HSD17B8: variants seen among roughly 807,000 people sequenced by gnomAD.
HSD17B8 encodes (3R)-3-hydroxyacyl-CoA dehydrogenase.
HSD17B8 carries 23 observed loss-of-function variants against 33.2 expected under a neutral mutation model. The ratio of observed to expected loss-of-function variants is 0.69; its 90% CI spans 0.50 to 0.98. The LOEUF is 0.98. Ranked by LOEUF, HSD17B8 falls within the 50% of genes least tolerant of loss-of-function variation. HSD17B8 has a pLI of 0.00. For missense variants in HSD17B8, 345 were observed against 347.5 expected, an observed-to-expected ratio of 0.99 and a Z score of 0.06; for synonymous variants, 137 against 138.6, an observed-to-expected ratio of 0.99 and a Z score of 0.08.
chr6:33,205,017 C>T lies in HSD17B8; in HGVS notation c.168C>T (p.Gly56=). The change falls in exon 2 of 9, where the codon GGC becomes GGT. Residue 56 remains glycine (G), a synonymous_variant. Coordinates refer to ENST00000374662, the MANE Select transcript of HSD17B8 (RefSeq NM_014234.5). The surrounding 1 kb of genome is among the most constrained non-coding windows in gnomAD (Gnocchi z 5.0). ...CACAGGAGACGGTGCGGCTGCTGGG[C>T]GGGCCAGGGAGCAAGGAGGGGCCGC... ...AAAQETVRLL[G]GPGSKEGPPR... 1 of 1,515,262 alleles carries T rather than the reference C, an allele frequency of 6.6e-7. No homozygotes were observed. The allele number at this position is 1,515,262 out of a possible 1,614,324, so 93.9% of individuals were successfully genotyped here. A position where few individuals can be genotyped will look rare whatever the true frequency, so the allele number is the denominator to read the frequency against.
Position 33,206,649 on chromosome 6 carries a change from A to C in HSD17B8, c.781A>C (p.Met261Leu), listed in dbSNP as rs1190839678. The change falls in exon 9 of 9, where the codon ATG becomes CTG. Residue 261 changes from methionine (M) to leucine (L), a missense_variant. Met to Leu is a conservative substitution (Grantham distance 15, BLOSUM62 2). Transcript: ENST00000374662. This position sits in a 1 kb window ranked among gnomAD's most constrained non-coding sequence, Gnocchi z 6.2. ...TCTGCCCCTCCCAGGAGGTCTTTTC[A>C]TGTAACTGCCTCAAGGACCCTGGAC... ...TSVEVTGGLF[M>L] The C allele has an allele frequency of 6.2e-7, 1 of 1,613,844 alleles. No individual in the cohort carries two copies. Among genetic ancestry groups the C allele is most frequent in the Non-Finnish European group, 8.5e-7 (1 of 1,179,904 alleles).
rs760218875 is a variant in HSD17B8 at position 33,206,688 on chromosome 6, C to G, written c.*34C>G. On this transcript the variant is annotated 3_prime_UTR_variant, in exon 9 of 9. Coordinates refer to ENST00000374662, the MANE Select transcript of HSD17B8 (RefSeq NM_014234.5). This position sits in a 1 kb window ranked among gnomAD's most constrained non-coding sequence, Gnocchi z 6.2. ...AGGACCCTGGACTCTGCTCACCCCC[C>G]CACCACTCTGCCTGGCCTCCTGCTG... The G allele has an allele frequency of 3.1e-6, 5 of 1,610,340 alleles. No homozygotes were observed. The highest frequency in any genetic ancestry group is 3.3e-5 in the Admixed American group (2 of 59,984).
chr6:33,205,905 T>C lies in HSD17B8; in HGVS notation c.644T>C (p.Val215Ala). 2.5e-6 allele frequency: 4 copies of C among 1,611,808 alleles called. No homozygotes were observed. Among genetic ancestry groups the C allele is most frequent in the Non-Finnish European group, 3.4e-6 (4 of 1,179,348 alleles). ...ACACAGAAAGTGCCACAGAAAGTGGTGGACAAGGTAGGAGGCTGTGGGTGG... is the reference window on the plus strand; with the variant it reads ...ACACAGAAAGTGCCACAGAAAGTGGCGGACAAGGTAGGAGGCTGTGGGTGG... Reference protein sequence around the residue: ...PMTQKVPQKVVDKITEMIPMG... With the variant: ...PMTQKVPQKVADKITEMIPMG... The change falls in exon 6 of 9, where the codon GTG becomes GCG. Residue 215 changes from valine to alanine, a missense_variant. Physicochemically the swap from Val to Ala is moderately conservative, Grantham distance 64 (BLOSUM62 0). Transcript: ENST00000374662. The surrounding 1 kb of genome is among the most constrained non-coding windows in gnomAD (Gnocchi z 5.0).
Position 33,204,858 on chromosome 6 carries a change from C to T in HSD17B8, c.53-44C>T, listed in dbSNP as rs564671066. On this transcript the variant is annotated intron_variant, in intron 1 of 8. Transcript: ENST00000374662. ...TGCCCTGTGACCTCTGATCCCTGCC[C>T]TCTCCTCCCCGTGCCCGGTCCGGCG... 21 of 1,496,124 alleles carry T rather than the reference C, an allele frequency of 1.4e-5. No individual in the cohort carries two copies. In the East Asian group the frequency reaches 5.2e-4, roughly 37 times the overall value. The allele number at this position is 1,496,124 out of a possible 1,614,324, so 92.7% of individuals were successfully genotyped here.
chr6:33,206,536 G>A lies in HSD17B8; in HGVS notation c.769+87G>A. ...CAAGTAAGGGGAGTCTGGAGCCACT[G>A]GGAAGGGCAGAGGTTCCCAAGGCCA... On this transcript the variant is annotated intron_variant, in intron 8 of 8. Coordinates refer to ENST00000374662, the MANE Select transcript of HSD17B8 (RefSeq NM_014234.5). The surrounding 1 kb of genome is among the most constrained non-coding windows in gnomAD (Gnocchi z 6.2). The A allele has an allele frequency of 6.4e-7, 1 of 1,561,978 alleles. No individual in the cohort carries two copies. Among genetic ancestry groups the A allele is most frequent in the Non-Finnish European group, 8.8e-7 (1 of 1,132,932 alleles).
rs750308032 is a variant in HSD17B8 at position 33,205,425 on chromosome 6, C to T, written c.388-22C>T. ...CTGTCACCCCAGCTGATCTTTTCTC[C>T]CTTGTTACCCTTTCCCGCCAGGGCA... is the stretch of plus-strand genomic sequence containing the variant. On this transcript the variant is annotated intron_variant, in intron 3 of 8. Coordinates refer to ENST00000374662, the MANE Select transcript of HSD17B8 (RefSeq NM_014234.5). This position sits in a 1 kb window ranked among gnomAD's most constrained non-coding sequence, Gnocchi z 5.0. 18 of 1,611,868 alleles carry T rather than the reference C, an allele frequency of 1.1e-5. No individual in the cohort carries two copies. The highest frequency in any genetic ancestry group is 1.5e-5 in the Non-Finnish European group (18 of 1,178,870).
rs760937041 is a variant in HSD17B8, at chr6:33,205,951, C to T, written c.651+39C>T. The T allele has an allele frequency of 2.0e-6, 3 of 1,507,486 alleles. No homozygotes were observed. Among genetic ancestry groups the T allele is most frequent in the Non-Finnish European group, 2.8e-6 (3 of 1,088,630 alleles). 93.4% of individuals were successfully genotyped at this position (1,507,486 alleles called of 1,614,324 possible). On this transcript the variant is annotated intron_variant, in intron 6 of 8. Coordinates refer to ENST00000374662, the MANE Select transcript of HSD17B8 (RefSeq NM_014234.5). This position sits in a 1 kb window ranked among gnomAD's most constrained non-coding sequence, Gnocchi z 5.0. ...GGTGGAGGGCAGAATCATTCAGAGA[C>T]TCAATCTCTCTGGGCTTCACAGAGA...
intron 1 of HSD17B8, 22 bp from the exon 2 acceptor site, chr6:33,204,880 G>A (rs750104417): frequency 4.0e-6 from 6 of 1,488,134 alleles, no homozygotes; most frequent in Non-Finnish European, 4.5e-6. Flanking sequence ...TGCCCGGTCC[G>A]GCGTGTTCTG....
chr6:33,204,700 C>T lies in HSD17B8; in HGVS notation c.32C>T (p.Ser11Phe), dbSNP rs766764231. The change falls in exon 1 of 9, where the codon TCC becomes TTC. Residue 11 changes from serine to phenylalanine, a missense_variant. Coordinates refer to ENST00000374662, the MANE Select transcript of HSD17B8 (RefSeq NM_014234.5). MASQLQNRLR[S>F]ALALVTGAGS... ...TCTCAGCTCCAGAACCGACTCCGCT[C>T]CGCACTGGCCTTGGTCACAGGTTGA... 5.6e-5 allele frequency: 90 copies of T among 1,612,948 alleles called. No homozygotes were observed. In the Admixed American group the frequency reaches 1.5e-3, roughly 26 times the overall value.
At position 33,206,480 on chromosome 6, in the gene HSD17B8, A is replaced by G; in HGVS notation, c.769+31A>G. 1 of 1,596,724 alleles carries G rather than the reference A, an allele frequency of 6.3e-7. No individual in the cohort carries two copies. The highest frequency in any genetic ancestry group is 8.6e-7 in the Non-Finnish European group (1 of 1,164,250). ...AGGCCAGCATGGGGAGGGAGAGGGC[A>G]GAGAAGTAGAACCCAGACTATATGA... On this transcript the variant is annotated intron_variant, in intron 8 of 8. Transcript: ENST00000374662. The surrounding 1 kb of genome is among the most constrained non-coding windows in gnomAD (Gnocchi z 6.2).
At chr6:33,204,826 T>C in intron 1 of HSD17B8, 76 bp from the exon 2 acceptor site, 2 of 1,540,878 alleles carry the variant, frequency 1.3e-6, no homozygotes, top group Non-Finnish European at 1.8e-6. Flanking sequence ...ACCCACATTT[T>C]ACTTTCTGCC....
rs919533134 is a variant in HSD17B8, at chr6:33,205,376, C to T, written c.387+39C>T. ...AACCTGCGACGTTTGGCCCCCTTAG[C>T]CTGGGGAGGGAGTTGGAGGAGGGCT... is the stretch of plus-strand genomic sequence containing the variant. On this transcript the variant is annotated intron_variant, in intron 3 of 8. Coordinates refer to ENST00000374662, the MANE Select transcript of HSD17B8 (RefSeq NM_014234.5). This position sits in a 1 kb window ranked among gnomAD's most constrained non-coding sequence, Gnocchi z 5.0. The T allele has an allele frequency of 6.2e-7, 1 of 1,604,674 alleles. No homozygotes were observed. The highest frequency in any genetic ancestry group is 1.3e-5 in the African/African-American group (1 of 74,684).
In HSD17B8 at chr6:33,204,712, T is replaced by C; in HGVS notation, c.44T>C (p.Leu15Ser). Residue 15 changes from leucine to serine, a missense_variant, in exon 1 of 9, where the codon TTG becomes TCG. By Grantham distance (145) the Leu-to-Ser change is moderately radical. Transcript: ENST00000374662. ...LQNRLRSALA[L>S]VTGAGSGIGR... ...AACCGACTCCGCTCCGCACTGGCCT[T>C]GGTCACAGGTTGAGGGGGTTCTTTC... The C allele has an allele frequency of 1.2e-6, 2 of 1,613,064 alleles. No homozygotes were observed. Among genetic ancestry groups the C allele is most frequent in the Non-Finnish European group, 1.7e-6 (2 of 1,180,022 alleles).
Position 33,204,995 on chromosome 6 carries a change from A to G in HSD17B8, c.146A>G (p.Gln49Arg). 2.7e-6 allele frequency: 4 copies of G among 1,496,852 alleles called. No homozygotes were observed. Among genetic ancestry groups the G allele is most frequent in the Non-Finnish European group, 3.5e-6 (4 of 1,128,674 alleles). The allele number at this position is 1,496,852 out of a possible 1,614,324, so 92.7% of individuals were successfully genotyped here. Residue 49 changes from glutamine to arginine, a missense_variant, in exon 2 of 9, where the codon CAG (glutamine) becomes CGG (arginine). Coordinates refer to ENST00000374662, the MANE Select transcript of HSD17B8 (RefSeq NM_014234.5). ...AACDLDRAAA[Q>R]ETVRLLGGPG... ...TGCGACCTGGACCGGGCAGCGGCAC[A>G]GGAGACGGTGCGGCTGCTGGGCGGG... is the stretch of plus-strand genomic sequence containing the variant.
chr6:33,205,579 T>A lies in HSD17B8; in HGVS notation c.480+40T>A. 2 of 1,611,426 alleles carry A rather than the reference T, an allele frequency of 1.2e-6. No homozygotes were observed. The highest frequency in any genetic ancestry group is 1.7e-6 in the Non-Finnish European group (2 of 1,178,542). ...GACGAGGTCAGCCAGCCAAGTGGTATAGAGAGGAGAACCCCTCCTTGAGAC... is the reference window on the plus strand; with the variant it reads ...GACGAGGTCAGCCAGCCAAGTGGTAAAGAGAGGAGAACCCCTCCTTGAGAC... On this transcript the variant is annotated intron_variant, in intron 4 of 8. Transcript: ENST00000374662. This position sits in a 1 kb window ranked among gnomAD's most constrained non-coding sequence, Gnocchi z 5.0.
At position 33,206,535 on chromosome 6, in the gene HSD17B8, T is replaced by C. The variant is rs1345790040; in HGVS notation, c.769+86T>C. The C allele has an allele frequency of 6.4e-7, 1 of 1,562,816 alleles. No homozygotes were observed. Among genetic ancestry groups the C allele is most frequent in the Non-Finnish European group, 8.8e-7 (1 of 1,133,844 alleles). ...GCAAGTAAGGGGAGTCTGGAGCCACTGGGAAGGGCAGAGGTTCCCAAGGCC... is the reference window on the plus strand; with the variant it reads ...GCAAGTAAGGGGAGTCTGGAGCCACCGGGAAGGGCAGAGGTTCCCAAGGCC... On this transcript the variant is annotated intron_variant, in intron 8 of 8. Transcript: ENST00000374662. The surrounding 1 kb of genome is among the most constrained non-coding windows in gnomAD (Gnocchi z 6.2).
Position 33,205,689 on chromosome 6 carries a change from T to C in HSD17B8, c.530T>C (p.Ile177Thr), listed in dbSNP as rs764181004. The C allele has an allele frequency of 5.0e-6, 8 of 1,613,010 alleles. No individual in the cohort carries two copies. Among genetic ancestry groups the C allele is most frequent in the East Asian group, 2.2e-5 (1 of 44,880 alleles). Residue 177 changes from isoleucine (I) to threonine (T), a missense_variant, in exon 5 of 9, where the codon ATT (isoleucine) becomes ACT (threonine). Ile to Thr is a moderately conservative substitution (Grantham distance 89). Transcript: ENST00000374662. This position sits in a 1 kb window ranked among gnomAD's most constrained non-coding sequence, Gnocchi z 5.0. ...TATGCAGCATCCAAGGCTGGAGTGA[T>C]TGGGCTGACCCAGACCGCAGCCCGG... ...TNYAASKAGV[I>T]GLTQTAAREL... is the part of the protein sequence containing the mutation.
Position 33,205,949 on chromosome 6 carries a change from G to A in HSD17B8, c.651+37G>A, listed in dbSNP as rs1219896017. The A allele has an allele frequency of 1.3e-6, 2 of 1,525,174 alleles. No homozygotes were observed. Among genetic ancestry groups the A allele is most frequent in the Non-Finnish European group, 1.8e-6 (2 of 1,103,236 alleles). The allele number at this position is 1,525,174 out of a possible 1,614,324, so 94.5% of individuals were successfully genotyped here. On this transcript the variant is annotated intron_variant, in intron 6 of 8. Transcript: ENST00000374662. The surrounding 1 kb of genome is among the most constrained non-coding windows in gnomAD (Gnocchi z 5.0). ...TGGGTGGAGGGCAGAATCATTCAGA[G>A]ACTCAATCTCTCTGGGCTTCACAGA...
rs766764231 is a variant in HSD17B8, at chr6:33,204,700, C to G, written c.32C>G (p.Ser11Cys). The G allele has an allele frequency of 3.7e-6, 6 of 1,612,948 alleles. No homozygotes were observed. Among genetic ancestry groups the G allele is most frequent in the Non-Finnish European group, 4.2e-6 (5 of 1,180,030 alleles). ...TCTCAGCTCCAGAACCGACTCCGCTCCGCACTGGCCTTGGTCACAGGTTGA... is the reference window on the plus strand; with the variant it reads ...TCTCAGCTCCAGAACCGACTCCGCTGCGCACTGGCCTTGGTCACAGGTTGA... Reference protein sequence around the residue: MASQLQNRLRSALALVTGAGS... With the variant: MASQLQNRLRCALALVTGAGS... The change falls in exon 1 of 9, where the codon TCC becomes TGC. Residue 11 changes from serine to cysteine, a missense_variant. Transcript: ENST00000374662.
Sources: gnomAD v4.1 joint callset for allele counts on GRCh38, gnomAD v4.1.1 for gene constraint, Gnocchi (gnomAD v3.1) non-coding constraint, MANE v1.5 for transcripts, NCBI Gene and HGNC (gene_info 2026-07-23, HGNC 2026-07-21) for gene names.